The following LUZP2 variants were observed in gnomAD, a reference collection of about 807,000 sequenced individuals.
LUZP2 encodes the protein leucine zipper protein 2.
Under a neutral mutation model 51.6 loss-of-function variants are expected in LUZP2, and 52 were observed. The ratio of observed to expected loss-of-function variants is 1.01; its 90% confidence interval spans 0.81 to 1.27. LUZP2 has a LOEUF of 1.27. Among genes scored for constraint, LUZP2 ranks in the 50% most tolerant of loss-of-function variants. LUZP2 has a pLI of 0.00. For missense variants in LUZP2, 436 were observed against 395.4 expected, an observed-to-expected ratio of 1.10 and a Z score of -0.87; for synonymous variants, 154 against 137.3, an observed-to-expected ratio of 1.12 and a Z score of -0.85.
intron 1 of LUZP2, among the ~76,000 whole-genome samples, chr11:24,677,135 C>T (rs1204630637): frequency 6.6e-6 from 1 of 152,138 alleles, no homozygotes; most frequent in Non-Finnish European, 1.5e-5. Flanking sequence ...TCTATTTCCA[C>T]TTTGACAATT....
intron 5 of LUZP2, among the ~76,000 whole-genome samples, chr11:24,886,243 T>A (rs2134308858): frequency 6.6e-6 from 1 of 152,324 alleles, no homozygotes; most frequent in East Asian, 1.9e-4. Flanking sequence ...TCTCATGACT[T>A]GCATATTATG....
At chr11:24,660,284 T>G (rs1481761720) in intron 1 of LUZP2, among the ~76,000 whole-genome samples, 1 of 152,180 alleles carries the variant, frequency 6.6e-6, no homozygotes, top group Admixed American at 6.6e-5. Flanking sequence ...AAATGTGTTA[T>G]GTAGCAAAAG....
chr11:24,767,704 C>T (rs1860244729), intron 5 of LUZP2, among the ~76,000 whole-genome samples: 1 of 152,174 alleles, frequency 6.6e-6, no homozygotes, highest in African/African-American at 2.4e-5. Context: ...CTTCAGGGCT[C>T]ATCTCCATTT....
At chr11:24,682,413 T>C (rs1308132458) in intron 1 of LUZP2, among the ~76,000 whole-genome samples, 2 of 151,456 alleles carry the variant, frequency 1.3e-5, no homozygotes, top group Non-Finnish European at 2.9e-5. Context: ...GAGAATGGCT[T>C]GGACCTGGGA....
At chr11:24,711,755 A>G (rs1261937493) in intron 1 of LUZP2, among the ~76,000 whole-genome samples, 1 of 152,132 alleles carries the variant, frequency 6.6e-6, no homozygotes, top group Non-Finnish European at 1.5e-5. Context: ...TTTCCCTCTC[A>G]TAAATTCCCT....
chr11:24,758,986 G>A lies in LUZP2; in HGVS notation c.334-4260G>A, dbSNP rs2040938868. Among the ~76,000 whole-genome samples the A allele has an allele frequency of 2.0e-5, 3 of 152,078 alleles. No homozygotes were observed. The South Asian group carries it at 6.2e-4, about 32-fold the overall frequency. ...AGTGTATCTTTCTTGATCTAATTCT[G>A]TTTAAAAATACTCTTTATGGAAATA... On this transcript the variant is annotated intron_variant, in intron 4 of 11. Coordinates refer to ENST00000336930, the MANE Select transcript of LUZP2 (RefSeq NM_001009909.4).
chr11:24,934,420 T>G (rs1854537145), intron 7 of LUZP2, among the ~76,000 whole-genome samples: 1 of 152,352 alleles, frequency 6.6e-6, no homozygotes, highest in South Asian at 2.1e-4. Flanking sequence ...TCCAAGTTTC[T>G]ATTATTTCCC....
At chr11:24,837,779 G>A (rs1432192460) in intron 5 of LUZP2, among the ~76,000 whole-genome samples, 1 of 151,504 alleles carries the variant, frequency 6.6e-6, no homozygotes, top group African/African-American at 2.4e-5. Flanking sequence ...AATCATTTTG[G>A]AATTTGTAGT....
chr11:24,828,079 G>T (rs1039254082), intron 5 of LUZP2, among the ~76,000 whole-genome samples: 1 of 151,512 alleles, frequency 6.6e-6, no homozygotes, highest in African/African-American at 2.4e-5. Context: ...ACACACACAC[G>T]CACAAAAGAA....
Position 24,602,259 on chromosome 11 carries a change from C to T in LUZP2, c.62+104954C>T, listed in dbSNP as rs533836125. On this transcript the variant is annotated intron_variant, in intron 1 of 11. Coordinates refer to ENST00000336930, the MANE Select transcript of LUZP2 (RefSeq NM_001009909.4). ...GTGTATATATGTATATATATGCAAACATATATGTACATACATATATACACA... is the reference window on the plus strand; with the variant it reads ...GTGTATATATGTATATATATGCAAATATATATGTACATACATATATACACA... Among the ~76,000 whole-genome samples the T allele has an allele frequency of 2.5e-3, 185 of 73,916 alleles. 30 individuals are homozygous for T. Among genetic ancestry groups the T allele is most frequent in the African/African-American group, 9.7e-3 (171 of 17,630 alleles). The allele number at this position is 73,916 out of a possible 152,430, so 48.5% of individuals were successfully genotyped here. A position where few individuals can be genotyped will look rare whatever the true frequency, so the allele number is the denominator to read the frequency against.
At chr11:24,800,868 C>T (rs1252368939) in intron 5 of LUZP2, among the ~76,000 whole-genome samples, 1 of 151,962 alleles carries the variant, frequency 6.6e-6, no homozygotes, top group Admixed American at 6.6e-5. Context: ...TTCATTGTAA[C>T]CTATTTTATT....
At chr11:24,750,584 G>T (rs1279505760) in intron 4 of LUZP2, among the ~76,000 whole-genome samples, 1 of 152,060 alleles carries the variant, frequency 6.6e-6, no homozygotes, top group Non-Finnish European at 1.5e-5. Flanking sequence ...CCAATATGAA[G>T]ACAAAATATT....
intron 5 of LUZP2, among the ~76,000 whole-genome samples, chr11:24,882,222 TG>T (rs1852491540): frequency 6.6e-6 from 1 of 152,076 alleles, no homozygotes; most frequent in South Asian, 2.1e-4. Context: ...TATTGTCTAT[TG>T]TTCTGTAGAT....
chr11:24,713,854 ATTTTTTTT>A (rs11357002), intron 1 of LUZP2, among the ~76,000 whole-genome samples: 4 of 57,454 alleles, frequency 7.0e-5, no homozygotes, highest in Non-Finnish European at 9.7e-5. Flanking sequence ...ATGCCTGGCC[ATTTTTTTT>A]TTTTTTTTTT....
chr11:24,508,770 C>T (rs1010790532), intron 1 of LUZP2, among the ~76,000 whole-genome samples: 4 of 152,178 alleles, frequency 2.6e-5, no homozygotes, highest in Admixed American at 2.6e-4. Context: ...ACAAATTTGT[C>T]TAAGGTTACT....
At chr11:24,645,509 T>C in intron 1 of LUZP2, among the ~76,000 whole-genome samples, 1 of 152,126 alleles carries the variant, frequency 6.6e-6, no homozygotes, top group Admixed American at 6.6e-5. Context: ...TGGGGAAACC[T>C]CTAACTCAAG....
chr11:24,952,984 T>C (rs1234315944), intron 7 of LUZP2, among the ~76,000 whole-genome samples: 1 of 151,894 alleles, frequency 6.6e-6, no homozygotes, highest in East Asian at 1.9e-4. Flanking sequence ...TGCCAAATTC[T>C]GTGTCATTCA....
chr11:24,921,483 T>C (rs1854052250), intron 7 of LUZP2, among the ~76,000 whole-genome samples: 1 of 152,134 alleles, frequency 6.6e-6, no homozygotes, highest in Non-Finnish European at 1.5e-5. Context: ...ATGGCGGGAA[T>C]TGCCATGTTG....
chr11:24,894,783 T>C (rs1274147070), intron 5 of LUZP2, among the ~76,000 whole-genome samples: 3 of 152,194 alleles, frequency 2.0e-5, no homozygotes, highest in African/African-American at 7.2e-5. Flanking sequence ...TTAAAACAAA[T>C]TATACCCTCT....
Sources: allele counts gnomAD v4.1 joint callset (sites outside exome capture counted in the v4.1 genomes callset), GRCh38; gene constraint gnomAD v4.1.1; transcripts MANE v1.5; gene names NCBI Gene and HGNC (gene_info 2026-07-23, HGNC 2026-07-21).